Variants in PLD5 observed in about 807,000 individuals in gnomAD.
The protein encoded by PLD5 is inactive phospholipase D5.
Under a neutral mutation model 61.1 loss-of-function variants are expected in PLD5, and 36 were observed. The observed-to-expected ratio is 0.59, with a 90% confidence interval of 0.45 to 0.78. The LOEUF is 0.78. PLD5 is among the 30% of genes least tolerant of loss of function. The pLI is 0.00. For missense variants in PLD5, 515 were observed against 644.4 expected, an observed-to-expected ratio of 0.80 and a Z score of 2.17; for synonymous variants, 243 against 242.8, an observed-to-expected ratio of 1.00 and a Z score of -0.01.
At chr1:242,304,341 A>AT (rs2149164823) in intron 2 of PLD5, among the ~76,000 whole-genome samples, 1 of 152,332 alleles carries the variant, frequency 6.6e-6, no homozygotes, top group South Asian at 2.1e-4. Flanking sequence ...TTTGGCTGCT[A>AT]TATTTCAAGT....
intron 5 of PLD5, among the ~76,000 whole-genome samples, chr1:242,199,963 A>G (rs1203849863): frequency 3.3e-5 from 5 of 152,200 alleles, no homozygotes; most frequent in African/African-American, 1.2e-4. Flanking sequence ...GCTATTATGA[A>G]TACTGCTTGA....
intron 2 of PLD5, among the ~76,000 whole-genome samples, chr1:242,321,924 T>A (rs1230861086): frequency 6.6e-6 from 1 of 152,166 alleles, no homozygotes; most frequent in Non-Finnish European, 1.5e-5. Flanking sequence ...CTTTTTTAAC[T>A]GAAAACCTCA....
At chr1:242,227,493 T>C (rs1671025841) in intron 4 of PLD5, among the ~76,000 whole-genome samples, 1 of 152,136 alleles carries the variant, frequency 6.6e-6, no homozygotes, top group Non-Finnish European at 1.5e-5. Flanking sequence ...GCCTCCCAAG[T>C]AGCTGGGACT....
At chr1:242,330,181 T>C (rs1574745293) in intron 2 of PLD5, among the ~76,000 whole-genome samples, 1 of 152,198 alleles carries the variant, frequency 6.6e-6, no homozygotes, top group Non-Finnish European at 1.5e-5. Context: ...GGTTCCTTCA[T>C]CAGCCATATT....
intron 4 of PLD5, among the ~76,000 whole-genome samples, chr1:242,235,296 A>G (rs184202007): frequency 1.3e-5 from 2 of 152,246 alleles, no homozygotes; most frequent in East Asian, 3.8e-4. Flanking sequence ...TATTCCCTTC[A>G]TAAGTCACCA....
At chr1:242,397,456 T>C (rs1663658000) in intron 1 of PLD5, among the ~76,000 whole-genome samples, 1 of 151,938 alleles carries the variant, frequency 6.6e-6, no homozygotes. Flanking sequence ...TTAGTCCTAA[T>C]CACCATTATT....
intron 5 of PLD5, among the ~76,000 whole-genome samples, chr1:242,141,922 A>C (rs1390209240): frequency 6.6e-6 from 1 of 152,184 alleles, no homozygotes; most frequent in Non-Finnish European, 1.5e-5. Flanking sequence ...TCCAGATTTG[A>C]TCTTTCTTAG....
intron 1 of PLD5, among the ~76,000 whole-genome samples, chr1:242,386,623 G>A (rs546546567): frequency 7.9e-5 from 12 of 152,264 alleles, no homozygotes; most frequent in African/African-American, 2.6e-4. Context: ...CATCTGAGCT[G>A]CAGAAGTCAA....
At chr1:242,134,611 G>A (rs1315056306) in intron 5 of PLD5, among the ~76,000 whole-genome samples, 2 of 152,114 alleles carry the variant, frequency 1.3e-5, no homozygotes, top group Non-Finnish European at 2.9e-5. Flanking sequence ...TTCAGAAAAG[G>A]GGGATCTTCC....
chr1:242,438,726 C>A (rs1261556041), intron 1 of PLD5, among the ~76,000 whole-genome samples: 1 of 152,240 alleles, frequency 6.6e-6, no homozygotes, highest in Admixed American at 6.5e-5. Context: ...CCGCACCCGG[C>A]CTTTTGGAAT....
chr1:242,405,616 T>C (rs1379680182), intron 1 of PLD5, among the ~76,000 whole-genome samples: 3 of 141,116 alleles, frequency 2.1e-5, no homozygotes, highest in African/African-American at 2.7e-5. Context: ...TTTTTTTTTT[T>C]TTGAGATGGA....
chr1:242,232,689 A>G (rs1012004794), intron 4 of PLD5, among the ~76,000 whole-genome samples: 2 of 152,082 alleles, frequency 1.3e-5, no homozygotes, highest in African/African-American at 4.8e-5. Context: ...CTAGAAATAC[A>G]AAAATGAGAT....
chr1:242,320,247 A>G (rs1658300557), intron 2 of PLD5, among the ~76,000 whole-genome samples: 1 of 152,242 alleles, frequency 6.6e-6, no homozygotes, highest in Non-Finnish European at 1.5e-5. Flanking sequence ...TGGGTCAATT[A>G]GGGGTTTATG....
chr1:242,423,137 C>A (rs1194546291), intron 1 of PLD5, among the ~76,000 whole-genome samples: 1 of 152,084 alleles, frequency 6.6e-6, no homozygotes, highest in Non-Finnish European at 1.5e-5. Context: ...AGGTGAGAGC[C>A]ACTGCATCCA....
chr1:242,463,819 T>C (rs1667194380), intron 1 of PLD5, among the ~76,000 whole-genome samples: 1 of 152,012 alleles, frequency 6.6e-6, no homozygotes. Flanking sequence ...CTCATTAGCA[T>C]ACAGAATACT....
chr1:242,261,639 G>A (rs1673377042), intron 4 of PLD5, among the ~76,000 whole-genome samples: 1 of 152,096 alleles, frequency 6.6e-6, no homozygotes, highest in African/African-American at 2.4e-5. Flanking sequence ...TAATCAATAG[G>A]AATGGGCCAA....
upstream of PLD5, among the ~76,000 whole-genome samples, chr1:242,528,743 G>A (rs984449227): frequency 6.6e-6 from 1 of 152,160 alleles, no homozygotes; most frequent in East Asian, 1.9e-4. Context: ...CCTGCCCAAA[G>A]CCATGTAAGT....
At chr1:242,136,804 T>C (rs973948726) in intron 5 of PLD5, among the ~76,000 whole-genome samples, 1 of 152,194 alleles carries the variant, frequency 6.6e-6, no homozygotes, top group African/African-American at 2.4e-5. Flanking sequence ...AAGGGATCAA[T>C]GTACTTGCAA....
intron 4 of PLD5, among the ~76,000 whole-genome samples, chr1:242,252,328 A>T (rs1672749503): frequency 6.6e-6 from 1 of 152,204 alleles, no homozygotes; most frequent in African/African-American, 2.4e-5. Flanking sequence ...CCACGGAGTC[A>T]CAGAAGTAAG....
Sources: gnomAD v4.1 joint callset for allele counts (sites outside exome capture counted in the v4.1 genomes callset) on GRCh38, gnomAD v4.1.1 for gene constraint, MANE v1.5 for transcripts, NCBI Gene and HGNC (gene_info 2026-07-23, HGNC 2026-07-21) for gene names.